G2E3: variants seen among roughly 807,000 people sequenced by gnomAD.
G2E3 encodes the protein G2/M phase-specific E3 ubiquitin-protein ligase.
Under a neutral mutation model 92.8 loss-of-function variants are expected in G2E3, and 35 were observed. That is an observed-to-expected ratio of 0.38 (90% CI 0.29 to 0.50). The LOEUF (loss-of-function observed/expected upper bound fraction) is 0.50. Among genes scored for constraint, G2E3 ranks in the 20% least tolerant of loss-of-function variants. G2E3 has a pLI of 0.94. For missense variants in G2E3, 554 were observed against 823.8 expected (o/e 0.67, Z 4.01); for synonymous variants, 242 against 272.4 (o/e 0.89, Z 1.10).
chr14:30,578,039 C>A (rs2138809141), intron 1 of G2E3, among the ~76,000 whole-genome samples: 1 of 151,784 alleles, frequency 6.6e-6, no homozygotes, highest in African/African-American at 2.4e-5. Flanking sequence ...AATTCATATT[C>A]TTGAAGGAAA....
At position 30,583,629 on chromosome 14, in the gene G2E3, G is replaced by A. The variant is rs1009057022; in HGVS notation, c.37+2513G>A. Among the ~76,000 whole-genome samples, 8 of 152,326 alleles carry A rather than the reference G, an allele frequency of 5.3e-5. No homozygotes were observed. In the South Asian group the frequency reaches 1.2e-3, roughly 24 times the overall value. On this transcript the variant is annotated intron_variant, in intron 2 of 14. Transcript: ENST00000206595. ...TGACTATAGTTGATAACAATGTATTGTGTACTTGAAAATTAGTAAATTTTA... is the reference window on the plus strand; with the variant it reads ...TGACTATAGTTGATAACAATGTATTATGTACTTGAAAATTAGTAAATTTTA...
chr14:30,569,389 T>G (rs926329858), intron 1 of G2E3, among the ~76,000 whole-genome samples: 1 of 152,024 alleles, frequency 6.6e-6, no homozygotes, highest in African/African-American at 2.4e-5. Flanking sequence ...GAGCAAGGAG[T>G]TCAAACACAG....
intron 1 of G2E3, 74 bp from the exon 2 acceptor site, chr14:30,581,002 G>T (rs1880401999): frequency 2.5e-6 from 2 of 806,246 alleles, no homozygotes; most frequent in South Asian, 2.8e-5. Context: ...ATTATGCATT[G>T]ACTGCAAGTA....
chr14:30,579,809 A>T (rs756895081), intron 1 of G2E3, among the ~76,000 whole-genome samples: 2 of 152,216 alleles, frequency 1.3e-5, no homozygotes, highest in Admixed American at 6.5e-5. Flanking sequence ...AAATGAGATT[A>T]TATTTACCTA....
chr14:30,571,545 G>C (rs1298581500), intron 1 of G2E3, among the ~76,000 whole-genome samples: 1 of 151,724 alleles, frequency 6.6e-6, no homozygotes, highest in African/African-American at 2.4e-5. Context: ...TCTTCACTAT[G>C]TTTTCTTCTA....
At position 30,568,766 on chromosome 14, in the gene G2E3, A is replaced by G. The variant is rs1026154230; in HGVS notation, c.-5+9494A>G. 2.0e-5 allele frequency among the ~76,000 whole-genome samples: 3 copies of G among 152,184 alleles called. 1 individual carries two copies. Among genetic ancestry groups the G allele is most frequent in the South Asian group, 4.1e-4 (2 of 4,830 alleles). ...TTTACATTTATACATAATGTGCCCAATAACATTGATTTATATTTATTTTAC... is the reference window on the plus strand; with the variant it reads ...TTTACATTTATACATAATGTGCCCAGTAACATTGATTTATATTTATTTTAC... On this transcript the variant is annotated intron_variant, in intron 1 of 14. Transcript: ENST00000206595.
chr14:30,589,521 A>G (rs1295147779), intron 4 of G2E3, 37 bp downstream of exon 4: 3 of 1,017,516 alleles, frequency 2.9e-6, no homozygotes, highest in Non-Finnish European at 4.6e-6. Flanking sequence ...AATGTCATAA[A>G]TATTGTCAAT....
Position 30,572,230 on chromosome 14 carries a change from T to C in G2E3, c.-4-8846T>C, listed in dbSNP as rs375457166. Reference sequence around the variant, plus strand: ...TTAAAGTCACTTATTCTTATAAATATGTTGGTAGGATTTTCTATGTAGATG... The same window carrying C: ...TTAAAGTCACTTATTCTTATAAATACGTTGGTAGGATTTTCTATGTAGATG... On this transcript the variant is annotated intron_variant, in intron 1 of 14. Transcript: ENST00000206595. Among the ~76,000 whole-genome samples the C allele has an allele frequency of 3.9e-5, 6 of 152,292 alleles. 1 individual carries two copies. The highest frequency in any genetic ancestry group is 1.2e-4 in the African/African-American group (5 of 41,580).
chr14:30,605,813 G>GT lies in G2E3; in HGVS notation c.1318+2dup. ...AAGAACTTGTCTCTAAATTCTCAAG[G>GT]TAATTATTTTATTTATTGTTGTATA... is the stretch of plus-strand genomic sequence containing the variant. On this transcript the variant is annotated splice_donor_variant, in intron 11 of 14. Coordinates refer to ENST00000206595, the MANE Select transcript of G2E3 (RefSeq NM_017769.5). LOFTEE classifies it high-confidence loss of function. The GT allele has an allele frequency of 6.7e-7, 1 of 1,488,734 alleles. No homozygotes were observed. The highest frequency in any genetic ancestry group is 2.2e-5 in the Admixed American group (1 of 45,010). 92.2% of individuals were successfully genotyped at this position (1,488,734 alleles called of 1,614,324 possible). A position where few individuals can be genotyped will look rare whatever the true frequency, so the allele number is the denominator to read the frequency against.
At chr14:30,606,075 TTTATC>T (rs1881818663) in intron 11 of G2E3, among the ~76,000 whole-genome samples, 2 of 152,104 alleles carry the variant, frequency 1.3e-5, no homozygotes, top group Admixed American at 6.5e-5. Flanking sequence ...TAAGTGTAAC[TTTATC>T]TTAACTCTAA....
intron 3 of G2E3, 61 bp downstream of exon 3, chr14:30,586,876 C>T: frequency 1.9e-6 from 1 of 535,370 alleles, no homozygotes; most frequent in South Asian, 3.6e-5. Flanking sequence ...TAGTAAGATT[C>T]TGACACTGAT....
At position 30,577,263 on chromosome 14, in the gene G2E3, G is replaced by A. The variant is rs187583465; in HGVS notation, c.-4-3813G>A. 1.5e-3 allele frequency among the ~76,000 whole-genome samples: 232 copies of A among 151,804 alleles called. 1 individual carries two copies. Among genetic ancestry groups the A allele is most frequent in the African/African-American group, 5.4e-3 (225 of 41,402 alleles). On this transcript the variant is annotated intron_variant, in intron 1 of 14. Coordinates refer to ENST00000206595, the MANE Select transcript of G2E3 (RefSeq NM_017769.5). Reference sequence around the variant, plus strand: ...AAAAAAGAAAAAGAAAAAATGTTGGGTGGTTAGGATCTGTTTATTTATTCA... The same window carrying A: ...AAAAAAGAAAAAGAAAAAATGTTGGATGGTTAGGATCTGTTTATTTATTCA...
At chr14:30,568,803 T>C (rs1232644240) in intron 1 of G2E3, among the ~76,000 whole-genome samples, 1 of 152,238 alleles carries the variant, frequency 6.6e-6, no homozygotes, top group Non-Finnish European at 1.5e-5. Flanking sequence ...TGTTTTTCTT[T>C]TAAATCATAA....
intron 4 of G2E3, 94 bp from the exon 5 acceptor site, chr14:30,592,229 A>G (rs958071687): frequency 2.7e-6 from 3 of 1,103,344 alleles, no homozygotes; most frequent in South Asian, 2.7e-5. Context: ...AATAATTTTC[A>G]GATTCCCCAC....
rs1478126889 is a variant in G2E3, at chr14:30,618,596, T to C, written c.*2062T>C. ...TTTCAATTCCTCATTTGACTTATTT[T>C]ATATATAGACAGGGCCTTAGTGATA... On this transcript the variant is annotated 3_prime_UTR_variant, in exon 15 of 15. Coordinates refer to ENST00000206595, the MANE Select transcript of G2E3 (RefSeq NM_017769.5). 6.6e-6 allele frequency: 1 copy of C among 152,118 alleles called. No homozygotes were observed. The highest frequency in any genetic ancestry group is 2.4e-5 in the African/African-American group (1 of 41,450). The allele number at this position is 152,118 out of a possible 1,614,324, so 9.4% of individuals were successfully genotyped here. A position where few individuals can be genotyped will look rare whatever the true frequency, so the allele number is the denominator to read the frequency against.
chr14:30,605,811 A>G lies in G2E3; in HGVS notation c.1317A>G (p.Gln439=). 1 of 1,496,986 alleles carries G rather than the reference A, an allele frequency of 6.7e-7. No homozygotes were observed. The highest frequency in any genetic ancestry group is 9.0e-7 in the Non-Finnish European group (1 of 1,107,098). The allele number at this position is 1,496,986 out of a possible 1,614,324, so 92.7% of individuals were successfully genotyped here. Residue 439 remains glutamine (Q), a splice_region_variant and synonymous_variant, in exon 11 of 15, where the codon CAA becomes CAG. Transcript: ENST00000206595. ...CAAAGAACTTGTCTCTAAATTCTCAAGGTAATTATTTTATTTATTGTTGTA... is the reference window on the plus strand; with the variant it reads ...CAAAGAACTTGTCTCTAAATTCTCAGGGTAATTATTTTATTTATTGTTGTA... ...SLSKNLSLNS[Q]ALKENLYYEA...
In G2E3 at chr14:30,618,062, GA is replaced by G. The variant is rs1882399037; in HGVS notation, c.*1529del. ...TTGATATTTTTTAAGTAACAGAATA[GA>G]TTTGAAAGAGATAATATATCTCTTA... On this transcript the variant is annotated 3_prime_UTR_variant, in exon 15 of 15. Transcript: ENST00000206595. The G allele has an allele frequency of 2.0e-5, 3 of 152,000 alleles. No homozygotes were observed. Among genetic ancestry groups the G allele is most frequent in the Admixed American group, 1.3e-4 (2 of 15,254 alleles). The allele number at this position is 152,000 out of a possible 1,614,324, so 9.4% of individuals were successfully genotyped here.
chr14:30,579,477 CA>C (rs1219188257), intron 1 of G2E3, among the ~76,000 whole-genome samples: 1 of 152,086 alleles, frequency 6.6e-6, no homozygotes, highest in Non-Finnish European at 1.5e-5. Flanking sequence ...ACACTTTTTA[CA>C]GTCAGTATGA....
intron 3 of G2E3, among the ~76,000 whole-genome samples, 171 bp from the exon 4 acceptor site, chr14:30,589,212 A>G (rs1305071136): frequency 2.0e-5 from 3 of 152,066 alleles, no homozygotes; most frequent in Non-Finnish European, 4.4e-5. Context: ...AAATCAAACA[A>G]TGTAAGTAGC....
Sources: gnomAD v4.1 joint callset for allele counts (sites outside exome capture counted in the v4.1 genomes callset) on GRCh38, gnomAD v4.1.1 for gene constraint, MANE v1.5 for transcripts, NCBI Gene and HGNC (gene_info 2026-07-23, HGNC 2026-07-21) for gene names.